The following TMEFF2 variants were observed in gnomAD, a reference collection of about 807,000 sequenced individuals.
TMEFF2 encodes tomoregulin-2.
Under a neutral mutation model 53.8 loss-of-function variants are expected in TMEFF2, and 28 were observed. That is an observed-to-expected ratio of 0.52 (90% confidence interval 0.39 to 0.71). The LOEUF is 0.71. TMEFF2 is among the 30% of genes least tolerant of loss of function. The pLI is 0.00. For missense variants in TMEFF2, 353 were observed against 455.2 expected, an observed-to-expected ratio of 0.78 and a Z score of 2.04; for synonymous variants, 162 against 166.3, an observed-to-expected ratio of 0.97 and a Z score of 0.20.
intron 5 of TMEFF2, among the ~76,000 whole-genome samples, chr2:192,039,243 G>T (rs186557556): frequency 7.8e-4 from 118 of 152,158 alleles, no homozygotes; most frequent in Non-Finnish European, 1.3e-3. Context: ...AATATAACTA[G>T]AAAATTATTG....
chr2:192,177,972 T>C (rs768845643), intron 4 of TMEFF2: 5 of 150,820 alleles, frequency 3.3e-5, no homozygotes, highest in African/African-American at 1.2e-4. Flanking sequence ...AATAAAGATA[T>C]GAAGTACAGT....
At chr2:192,081,651 T>G (rs971381543) in intron 4 of TMEFF2, among the ~76,000 whole-genome samples, 2 of 152,296 alleles carry the variant, frequency 1.3e-5, no homozygotes, top group Middle Eastern at 3.4e-3. Flanking sequence ...AACTTAGTTA[T>G]TATTTTCTGT....
At chr2:191,958,311 C>T (rs913925131) in intron 7 of TMEFF2, among the ~76,000 whole-genome samples, 1 of 152,142 alleles carries the variant, frequency 6.6e-6, no homozygotes, top group Non-Finnish European at 1.5e-5. Context: ...CATTAATAAC[C>T]CCTCAGTGCT....
chr2:192,004,655 A>C (rs1272204919), intron 5 of TMEFF2, among the ~76,000 whole-genome samples: 1 of 152,188 alleles, frequency 6.6e-6, no homozygotes, highest in Non-Finnish European at 1.5e-5. Context: ...ATTAAAAAAG[A>C]AAAAGAAAAA....
intron 4 of TMEFF2, among the ~76,000 whole-genome samples, chr2:192,170,015 C>T (rs1690868520): frequency 6.6e-6 from 1 of 151,974 alleles, no homozygotes; most frequent in Middle Eastern, 3.2e-3. Context: ...TTCCTTTAAA[C>T]TGCCAGCTGT....
chr2:191,967,116 T>C (rs570570478), intron 7 of TMEFF2, among the ~76,000 whole-genome samples: 3 of 152,158 alleles, frequency 2.0e-5, no homozygotes, highest in Admixed American at 6.5e-5. Flanking sequence ...TTTGTATTAT[T>C]TAAATGGAAT....
intron 1 of TMEFF2, among the ~76,000 whole-genome samples, chr2:192,193,473 C>T (rs1290599685): frequency 2.0e-5 from 3 of 152,076 alleles, no homozygotes; most frequent in Non-Finnish European, 2.9e-5. Context: ...TGAAGGAACC[C>T]GAGCGAGCAA....
In TMEFF2 at chr2:191,964,456, C is replaced by G. The variant is rs1024383047; in HGVS notation, c.746-8078G>C. Among the ~76,000 whole-genome samples, 3 of 144,396 alleles carry G rather than the reference C, an allele frequency of 2.1e-5. No homozygotes were observed. In the Admixed American group the frequency reaches 2.2e-4, roughly 11 times the overall value. 94.7% of individuals were successfully genotyped at this position (144,396 alleles called of 152,430 possible). On this transcript the variant is annotated intron_variant, in intron 7 of 9. Transcript: ENST00000272771. The stretch of plus-strand genomic sequence containing the variant: ...TCTTTCTGCCTTTTAACCCATGTAC[C>G]TTGTCTAGGGCCAATCCCTCATGAA...
chr2:192,022,510 T>C (rs1686880379), intron 5 of TMEFF2, among the ~76,000 whole-genome samples: 1 of 152,226 alleles, frequency 6.6e-6, no homozygotes, highest in African/African-American at 2.4e-5. Flanking sequence ...CTTATTCTCA[T>C]GAAACATCCC....
At chr2:192,052,764 T>G (rs920758897) in intron 5 of TMEFF2, among the ~76,000 whole-genome samples, 5 of 152,172 alleles carry the variant, frequency 3.3e-5, no homozygotes, top group Admixed American at 6.5e-5. Flanking sequence ...CCCTTTCTTC[T>G]TCTCTTAACC....
At chr2:192,085,722 A>AAG (rs1553519471) in intron 4 of TMEFF2, among the ~76,000 whole-genome samples, 2 of 151,576 alleles carry the variant, frequency 1.3e-5, no homozygotes, top group Admixed American at 6.6e-5. Flanking sequence ...AAAAAAAAAA[A>AAG]CCACAAAAGA....
chr2:191,998,438 A>AG (rs1686276762), intron 6 of TMEFF2, 117 bp from the exon 7 acceptor site: 1 of 650,368 alleles, frequency 1.5e-6, no homozygotes, highest in South Asian at 2.2e-5. Context: ...TTACAACTGT[A>AG]GTTCTAAGCA....
At chr2:192,192,252 A>G (rs951936346) in intron 1 of TMEFF2, among the ~76,000 whole-genome samples, 13 of 151,284 alleles carry the variant, frequency 8.6e-5, no homozygotes, top group Admixed American at 2.0e-4. Context: ...TTGCGTTAAT[A>G]CTGACAGTGG....
intron 4 of TMEFF2, among the ~76,000 whole-genome samples, chr2:192,095,822 A>G (rs1252687759): frequency 6.6e-6 from 1 of 152,206 alleles, no homozygotes; most frequent in African/African-American, 2.4e-5. Flanking sequence ...TAATTAACTG[A>G]CAAAATATTT....
chr2:192,050,512 T>G (rs2884023), intron 5 of TMEFF2, among the ~76,000 whole-genome samples: 19,076 of 151,992 alleles, frequency 0.13, 1,355 homozygotes, highest in East Asian at 0.32. Flanking sequence ...TTAGTTGTTG[T>G]TGGTGGTTGT....
intron 4 of TMEFF2, among the ~76,000 whole-genome samples, chr2:192,109,025 G>A (rs868792710): frequency 6.6e-6 from 1 of 151,994 alleles, no homozygotes; most frequent in African/African-American, 2.4e-5. Context: ...AAGGTTACTA[G>A]TAGAAAGTTA....
intron 4 of TMEFF2, 73 bp downstream of exon 4, chr2:192,179,595 G>A (rs1233967086): frequency 7.0e-7 from 1 of 1,427,658 alleles, no homozygotes; most frequent in Non-Finnish European, 9.4e-7. Flanking sequence ...ATCTGAAATG[G>A]AACATACATA....
chr2:192,111,158 A>T (rs1361663152), intron 4 of TMEFF2, among the ~76,000 whole-genome samples: 1 of 152,140 alleles, frequency 6.6e-6, no homozygotes, highest in Admixed American at 6.6e-5. Context: ...ATACCCAAAA[A>T]TGTGAAAGCG....
chr2:192,136,831 A>G (rs1690019336), intron 4 of TMEFF2, among the ~76,000 whole-genome samples: 1 of 152,220 alleles, frequency 6.6e-6, no homozygotes, highest in African/African-American at 2.4e-5. Context: ...CTAACTTTAG[A>G]TTTATCAAAA....
Sources: gnomAD v4.1 joint callset for allele counts (sites outside exome capture counted in the v4.1 genomes callset) on GRCh38, gnomAD v4.1.1 for gene constraint, MANE v1.5 for transcripts, NCBI Gene and HGNC (gene_info 2026-07-23, HGNC 2026-07-21) for gene names.